The following SEC61G variants were observed in gnomAD, a reference collection of about 807,000 sequenced individuals.
The protein encoded by SEC61G is SEC61 translocon subunit gamma, also known as protein transport protein Sec61 subunit gamma.
A neutral mutation model predicts 7.5 loss-of-function variants in SEC61G; 4 were observed. The observed-to-expected ratio is 0.54, with a 90% CI of 0.26 to 1.22. The LOEUF (loss-of-function observed/expected upper bound fraction) is 1.22. Ranked by LOEUF, SEC61G falls within the 50% of genes most tolerant of loss-of-function variation. The probability of loss-of-function intolerance (pLI) is 0.12; values close to 1 mark genes in which losing one functional copy is unlikely to be tolerated. For missense variants in SEC61G, 53 were observed against 84.6 expected (o/e 0.63, Z 1.46); for synonymous variants, 24 against 24.4 (o/e 0.98, Z 0.05).
chr7:54,754,724 G>A (rs1362044317), intron 3 of SEC61G: 1 of 152,024 alleles, frequency 6.6e-6, no homozygotes, highest in Admixed American at 6.6e-5. Context: ...TTAAATCATT[G>A]CTTCAAACTT....
At chr7:54,758,621 G>A (rs750281744) in intron 1 of SEC61G, among the ~76,000 whole-genome samples, 4 of 152,178 alleles carry the variant, frequency 2.6e-5, no homozygotes, top group Non-Finnish European at 5.9e-5. Context: ...TGTAATCATA[G>A]TTGTCACGAA....
chr7:54,755,279 A>G (rs1230553516), intron 3 of SEC61G: 3 of 152,252 alleles, frequency 2.0e-5, no homozygotes, highest in Non-Finnish European at 4.4e-5. Flanking sequence ...ACTTAAAGTC[A>G]TAATCCAAGT....
In SEC61G at chr7:54,759,209, G is replaced by A. The variant is rs1206402035; in HGVS notation, c.-58C>T. On this transcript the variant is annotated 5_prime_UTR_variant, in exon 1 of 4. Coordinates refer to ENST00000352861, the MANE Select transcript of SEC61G (RefSeq NM_014302.4). ...GGGACACGTAGCACTGGAGCTTGCT[G>A]ATGGAGGCCCACCGGAACCGGAATC... 2 of 518,960 alleles carry A rather than the reference G, an allele frequency of 3.9e-6. No individual in the cohort carries two copies. The highest frequency in any genetic ancestry group is 1.9e-5 in the African/African-American group (1 of 51,986). The allele number at this position is 518,960 out of a possible 1,614,324, so 32.1% of individuals were successfully genotyped here.
chr7:54,756,905 A>C (rs2709287), intron 2 of SEC61G, among the ~76,000 whole-genome samples: 1 of 148,560 alleles, frequency 6.7e-6, no homozygotes, highest in Non-Finnish European at 1.5e-5. Context: ...CTTTACTATA[A>C]TATATACATG....
At chr7:54,757,975 T>TA (rs1252732096) in intron 1 of SEC61G, among the ~76,000 whole-genome samples, 1 of 152,206 alleles carries the variant, frequency 6.6e-6, no homozygotes, top group African/African-American at 2.4e-5. Context: ...TCACCGCTCC[T>TA]AAGGAACCAT....
At chr7:54,754,030 C>T (rs1470112647) in intron 3 of SEC61G, among the ~76,000 whole-genome samples, 3 of 152,124 alleles carry the variant, frequency 2.0e-5, no homozygotes, top group African/African-American at 7.2e-5. Context: ...ATAGGAGAGA[C>T]ATACAATATA....
chr7:54,752,471 AATT>A (rs1791433699), intron 3 of SEC61G, 51 bp from the exon 4 acceptor site: 5 of 1,205,322 alleles, frequency 4.1e-6, no homozygotes, highest in South Asian at 1.4e-5. Flanking sequence ...AGATTTTAAT[AATT>A]ATTATTATTT....
intron 1 of SEC61G, among the ~76,000 whole-genome samples, chr7:54,758,476 G>T (rs1481039415): frequency 6.6e-6 from 1 of 152,144 alleles, no homozygotes; most frequent in Non-Finnish European, 1.5e-5. Context: ...AGTGTAGGGT[G>T]TGGACAACGA....
chr7:54,757,997 T>A (rs1284436224), intron 1 of SEC61G, among the ~76,000 whole-genome samples: 3 of 152,198 alleles, frequency 2.0e-5, no homozygotes, highest in Non-Finnish European at 2.9e-5. Context: ...AGTGTTGAGA[T>A]CCAACAATTA....
At chr7:54,757,450 G>C (rs1007902123) in intron 2 of SEC61G, 45 bp downstream of exon 2, 2 of 1,497,520 alleles carry the variant, frequency 1.3e-6, no homozygotes, top group Admixed American at 1.7e-5. Context: ...AAAAGGCTTA[G>C]AAAATGCAAA....
chr7:54,757,152 T>C (rs1583716095), intron 2 of SEC61G, among the ~76,000 whole-genome samples: 1 of 151,978 alleles, frequency 6.6e-6, no homozygotes, highest in Non-Finnish European at 1.5e-5. Flanking sequence ...GTTGGTTTCA[T>C]GTTAAGGTTT....
At chr7:54,754,980 T>C (rs942218620) in intron 3 of SEC61G, 1 of 152,168 alleles carries the variant, frequency 6.6e-6, no homozygotes. Context: ...TGAGATTAAA[T>C]GCATACAAAA....
Position 54,752,300 on chromosome 7 carries a change from GAAAA to G in SEC61G, c.*107_*110del, listed in dbSNP as rs961180400. The G allele has an allele frequency of 1.6e-5, 8 of 491,674 alleles. No homozygotes were observed. The African/African-American group carries it at 1.7e-4, about 10-fold the overall frequency. The allele number at this position is 491,674 out of a possible 1,614,324, so 30.5% of individuals were successfully genotyped here. On this transcript the variant is annotated 3_prime_UTR_variant, in exon 4 of 4. Transcript: ENST00000352861. ...TTAGAAATAGAAAACATCTTGAAAG[GAAAA>G]AAAAAAACCCACAAAACATACAGGC...
At chr7:54,753,255 T>C (rs912773874) in intron 3 of SEC61G, among the ~76,000 whole-genome samples, 2 of 152,162 alleles carry the variant, frequency 1.3e-5, no homozygotes, top group African/African-American at 4.8e-5. Flanking sequence ...ATTGCACCAC[T>C]GCACTCCAGC....
chr7:54,756,990 A>G (rs1012477383), intron 2 of SEC61G, among the ~76,000 whole-genome samples: 7 of 147,934 alleles, frequency 4.7e-5, no homozygotes, highest in Admixed American at 1.4e-4. Context: ...ACTATATACT[A>G]TATTATATAC....
intron 1 of SEC61G, among the ~76,000 whole-genome samples, chr7:54,758,085 T>C (rs1791556373): frequency 6.6e-6 from 1 of 152,210 alleles, no homozygotes; most frequent in Non-Finnish European, 1.5e-5. Flanking sequence ...TGCAAGAGCC[T>C]AGAATAGAGG....
chr7:54,759,093 C>T (rs1458077663), intron 1 of SEC61G, 65 bp downstream of exon 1: 3 of 472,868 alleles, frequency 6.3e-6, no homozygotes, highest in Non-Finnish European at 8.6e-6. Flanking sequence ...ACGCCCGCTG[C>T]CCCCAAGAGT....
At chr7:54,757,979 G>A (rs1791554043) in intron 1 of SEC61G, among the ~76,000 whole-genome samples, 1 of 152,064 alleles carries the variant, frequency 6.6e-6, no homozygotes, top group Non-Finnish European at 1.5e-5. Context: ...CGCTCCTAAG[G>A]AACCATCAGT....
chr7:54,756,905 A>ATATACATGTTATATACTATAT (rs1562769638), intron 2 of SEC61G, among the ~76,000 whole-genome samples: 13 of 148,560 alleles, frequency 8.8e-5, no homozygotes, highest in African/African-American at 3.2e-4. Context: ...CTTTACTATA[A>ATATACATGTTATATACTATAT]TATATACATG....
Sources: gnomAD v4.1 joint callset for allele counts (sites outside exome capture counted in the v4.1 genomes callset) on GRCh38, gnomAD v4.1.1 for gene constraint, MANE v1.5 for transcripts, NCBI Gene and HGNC (gene_info 2026-07-23, HGNC 2026-07-21) for gene names.